SRD5A2: variants seen among roughly 807,000 people sequenced by gnomAD.
SRD5A2 encodes 3-oxo-5-alpha-steroid 4-dehydrogenase 2.
A neutral mutation model predicts 27.4 loss-of-function variants in SRD5A2; 30 were observed. That is an observed-to-expected ratio of 1.10 (90% CI 0.82 to 1.49). SRD5A2 has a LOEUF of 1.49. Among genes scored for constraint, SRD5A2 ranks in the 40% most tolerant of loss-of-function variants. The pLI is 0.00. For synonymous variants in SRD5A2, 141 were observed against 133.6 expected (o/e 1.06, Z -0.38); for missense variants, 348 against 323.4 (o/e 1.08, Z -0.58).
chr2:31,620,097 T>C, the SRD5A2 span, among the ~76,000 whole-genome samples: 1,817 of 152,198 alleles, frequency 0.012, 23 homozygotes, highest in African/African-American at 0.018. Flanking sequence ...CTTTAATCCA[T>C]CTTGAGATGC....
intron 1 of SRD5A2, among the ~76,000 whole-genome samples, chr2:31,535,353 G>A (rs1322136213): frequency 1.3e-5 from 2 of 152,116 alleles, no homozygotes; most frequent in Admixed American, 6.5e-5. Context: ...ACATCAAGGT[G>A]GTATTGAAGA....
the SRD5A2 span, among the ~76,000 whole-genome samples, chr2:31,628,029 T>C: frequency 6.6e-6 from 1 of 152,142 alleles, no homozygotes; most frequent in Non-Finnish European, 1.5e-5. Context: ...AACATCTTTG[T>C]TAGTTTTCTG....
At chr2:31,614,948 G>C in the SRD5A2 span, among the ~76,000 whole-genome samples, 1 of 152,194 alleles carries the variant, frequency 6.6e-6, no homozygotes, top group Non-Finnish European at 1.5e-5. Context: ...TAGTGAATAA[G>C]TCTCATGAGG....
the SRD5A2 span, among the ~76,000 whole-genome samples, chr2:31,636,795 A>G: frequency 6.6e-6 from 1 of 152,144 alleles, no homozygotes; most frequent in Admixed American, 6.5e-5. Context: ...CATATGTTGA[A>G]CTAACCTTGT....
upstream of SRD5A2, chr2:31,581,203 T>G: frequency 4.7e-6 from 2 of 423,582 alleles, no homozygotes; most frequent in Admixed American, 4.0e-5. Context: ...CCTCAACTAT[T>G]AGCGTCTGAT....
intron 1 of SRD5A2, among the ~76,000 whole-genome samples, chr2:31,554,142 T>C (rs1384669636): frequency 6.6e-6 from 1 of 152,126 alleles, no homozygotes; most frequent in African/African-American, 2.4e-5. Flanking sequence ...AACAGTCTTT[T>C]AGAAGTAGAA....
rs568696127 is a variant in SRD5A2 at position 31,523,695 on chromosome 2, A to G, written c.*2501T>C. On this transcript the variant is annotated 3_prime_UTR_variant, in exon 5 of 5. Transcript: ENST00000622030. The stretch of plus-strand genomic sequence containing the variant: ...AGCTAGGACACTGTTAGATTATTTT[A>G]GCCAAAAAACAGTCCATGGAAACCT... The G allele has an allele frequency of 2.6e-4, 58 of 221,476 alleles. No homozygotes were observed. The highest frequency in any genetic ancestry group is 1.2e-3 in the African/African-American group (55 of 44,816). 13.7% of individuals were successfully genotyped at this position (221,476 alleles called of 1,614,324 possible).
chr2:31,564,253 A>C (rs189751231), intron 1 of SRD5A2, among the ~76,000 whole-genome samples: 1 of 152,212 alleles, frequency 6.6e-6, no homozygotes, highest in East Asian at 1.9e-4. Context: ...AGAGATGGAA[A>C]CTACAATCCC....
chr2:31,637,140 G>T, the SRD5A2 span, among the ~76,000 whole-genome samples: 4 of 151,980 alleles, frequency 2.6e-5, no homozygotes, highest in East Asian at 5.8e-4. Context: ...CTATGGCTTA[G>T]ATCTCATTAC....
upstream of SRD5A2, among the ~76,000 whole-genome samples, chr2:31,583,282 G>A (rs975506463): frequency 3.9e-5 from 6 of 152,160 alleles, no homozygotes; most frequent in Non-Finnish European, 7.3e-5. Flanking sequence ...AACACACAAG[G>A]CCTCTTCAGG....
upstream of SRD5A2, among the ~76,000 whole-genome samples, chr2:31,581,689 G>A (rs930850482): frequency 6.6e-6 from 1 of 152,108 alleles, no homozygotes; most frequent in Non-Finnish European, 1.5e-5. Flanking sequence ...GATTCTGCGC[G>A]TCCTCTCCCG....
the SRD5A2 span, among the ~76,000 whole-genome samples, chr2:31,606,519 G>A: frequency 1.1e-4 from 17 of 152,060 alleles, no homozygotes; most frequent in African/African-American, 3.9e-4. Flanking sequence ...TCCCCATGCA[G>A]TCAGTATGCA....
intron 1 of SRD5A2, among the ~76,000 whole-genome samples, chr2:31,544,422 T>C (rs994348610): frequency 6.6e-5 from 10 of 151,766 alleles, no homozygotes; most frequent in Non-Finnish European, 1.3e-4. Flanking sequence ...TCTATAAATA[T>C]GTGAAAATTT....
chr2:31,649,747 T>C, the SRD5A2 span, among the ~76,000 whole-genome samples: 1 of 152,150 alleles, frequency 6.6e-6, no homozygotes, highest in Admixed American at 6.5e-5. Flanking sequence ...AATCTGTATA[T>C]GATACTGTCC....
intron 1 of SRD5A2, among the ~76,000 whole-genome samples, chr2:31,540,254 TA>T (rs1390220867): frequency 2.0e-5 from 3 of 151,360 alleles, no homozygotes; most frequent in Non-Finnish European, 4.4e-5. Context: ...CCAGGAAGCA[TA>T]AAAAAAGAAA....
chr2:31,611,413 A>G, the SRD5A2 span, among the ~76,000 whole-genome samples: 29 of 152,346 alleles, frequency 1.9e-4, no homozygotes, highest in Non-Finnish European at 3.4e-4. Flanking sequence ...TTGATAATCC[A>G]CAGATTAGAA....
chr2:31,544,037 G>C (rs187740513), intron 1 of SRD5A2, among the ~76,000 whole-genome samples: 1 of 151,940 alleles, frequency 6.6e-6, no homozygotes, highest in Non-Finnish European at 1.5e-5. Flanking sequence ...AGCAGATGTG[G>C]CTGTACTAAC....
intron 1 of SRD5A2, among the ~76,000 whole-genome samples, chr2:31,561,107 T>C (rs549266538): frequency 6.6e-6 from 1 of 152,210 alleles, no homozygotes; most frequent in South Asian, 2.1e-4. Context: ...ATCTAATCCC[T>C]TTTTCTAAAA....
intron 1 of SRD5A2, among the ~76,000 whole-genome samples, chr2:31,561,660 A>G (rs1017297709): frequency 1.3e-5 from 2 of 152,188 alleles, no homozygotes; most frequent in African/African-American, 4.8e-5. Context: ...CTACATTAAA[A>G]TAGATGTTCA....
Sources: allele counts gnomAD v4.1 joint callset (sites outside exome capture counted in the v4.1 genomes callset), GRCh38; gene constraint gnomAD v4.1.1; transcripts MANE v1.5; gene names NCBI Gene and HGNC (gene_info 2026-07-23, HGNC 2026-07-21).